BNC2: variants seen among roughly 807,000 people sequenced by gnomAD.
The protein encoded by BNC2 is basonuclin zinc finger protein 2.
BNC2 carries 20 observed loss-of-function variants against 76.3 expected under a neutral mutation model. The ratio of observed to expected loss-of-function variants is 0.26; its 90% confidence interval spans 0.18 to 0.38. The LOEUF (loss-of-function observed/expected upper bound fraction) is 0.38. BNC2 is among the 10% of genes least tolerant of loss of function. The pLI, the probability that BNC2 is intolerant of heterozygous loss-of-function variation, is 1.00. For synonymous variants in BNC2, 582 were observed against 514.8 expected (o/e 1.13, Z -1.77); for missense variants, 1,382 against 1,399.8 (o/e 0.99, Z 0.20).
At chr9:16,603,887 AT>A (rs1274639811) in intron 3 of BNC2, among the ~76,000 whole-genome samples, 1 of 48,164 alleles carries the variant, frequency 2.1e-5, no homozygotes, top group Non-Finnish European at 1.0e-4. Flanking sequence ...TAGGTATTTT[AT>A]AAAAAAACAT....
intron 6 of BNC2, among the ~76,000 whole-genome samples, chr9:16,433,954 A>G (rs1384325287): frequency 6.6e-6 from 1 of 152,220 alleles, no homozygotes; most frequent in Admixed American, 6.5e-5. Flanking sequence ...AATGAATATT[A>G]CTGACAACTT....
chr9:16,560,239 T>C (rs1398190772), intron 4 of BNC2, among the ~76,000 whole-genome samples: 1 of 152,178 alleles, frequency 6.6e-6, no homozygotes, highest in Non-Finnish European at 1.5e-5. Context: ...AATTAATGGG[T>C]ATGTGTTAGG....
chr9:16,811,901 C>A (rs984264106), intron 1 of BNC2, among the ~76,000 whole-genome samples: 1 of 152,190 alleles, frequency 6.6e-6, no homozygotes, highest in Non-Finnish European at 1.5e-5. Context: ...AAACAGAAAT[C>A]TACCTTGACC....
chr9:16,564,681 G>C (rs957556555), intron 4 of BNC2, among the ~76,000 whole-genome samples: 1 of 152,112 alleles, frequency 6.6e-6, no homozygotes, highest in Non-Finnish European at 1.5e-5. Flanking sequence ...TTTGAAATCA[G>C]ACTTCTTTGT....
At chr9:16,526,088 G>A (rs1296404500) in intron 5 of BNC2, among the ~76,000 whole-genome samples, 2 of 151,606 alleles carry the variant, frequency 1.3e-5, no homozygotes, top group African/African-American at 4.9e-5. Flanking sequence ...AAACTAAAAT[G>A]CTTCATCCTG....
chr9:16,813,210 C>T (rs995172719), intron 1 of BNC2, among the ~76,000 whole-genome samples: 1 of 151,896 alleles, frequency 6.6e-6, no homozygotes, highest in African/African-American at 2.4e-5. Context: ...AGAAGAAAAA[C>T]TCCTAAAGGT....
chr9:16,710,245 C>T (rs1037469377), intron 3 of BNC2, among the ~76,000 whole-genome samples: 13 of 152,156 alleles, frequency 8.5e-5, no homozygotes, highest in Non-Finnish European at 1.5e-4. Flanking sequence ...TTAAACAACA[C>T]CTTACAGAGA....
At chr9:16,675,961 A>G (rs937357113) in intron 3 of BNC2, among the ~76,000 whole-genome samples, 2 of 152,112 alleles carry the variant, frequency 1.3e-5, no homozygotes, top group African/African-American at 4.8e-5. Context: ...GCTACTCAGG[A>G]GGCTGAGGCA....
intron 3 of BNC2, among the ~76,000 whole-genome samples, chr9:16,704,201 T>C: frequency 6.6e-6 from 1 of 152,154 alleles, no homozygotes; most frequent in Non-Finnish European, 1.5e-5. Context: ...TTGAGTCAGT[T>C]CAAATGTTAT....
intron 2 of BNC2, among the ~76,000 whole-genome samples, chr9:16,729,057 A>T (rs1018709111): frequency 2.0e-5 from 3 of 152,204 alleles, no homozygotes; most frequent in Non-Finnish European, 4.4e-5. Flanking sequence ...TCTGTGGAAA[A>T]TTCTATAACG....
At chr9:16,529,992 T>C (rs909275758) in intron 5 of BNC2, among the ~76,000 whole-genome samples, 19 of 151,990 alleles carry the variant, frequency 1.3e-4, no homozygotes, top group Non-Finnish European at 4.4e-5. Context: ...GGATTACAGG[T>C]ACGGACCACC....
intron 1 of BNC2, among the ~76,000 whole-genome samples, chr9:16,836,782 A>C (rs746416562): frequency 9.2e-5 from 14 of 152,086 alleles, no homozygotes; most frequent in Non-Finnish European, 1.5e-4. Context: ...TTTTTGGTAG[A>C]AGAACCAACC....
At chr9:16,454,468 T>C (rs1445648587) in intron 5 of BNC2, among the ~76,000 whole-genome samples, 1 of 152,136 alleles carries the variant, frequency 6.6e-6, no homozygotes, top group African/African-American at 2.4e-5. Context: ...ACCCAGCTAA[T>C]TTTTTATTTT....
intron 3 of BNC2, among the ~76,000 whole-genome samples, chr9:16,661,058 C>T (rs1587285973): frequency 6.6e-6 from 1 of 152,094 alleles, no homozygotes; most frequent in Non-Finnish European, 1.5e-5. Context: ...CCATTATTCC[C>T]ATTTTAAATG....
intron 3 of BNC2, among the ~76,000 whole-genome samples, chr9:16,678,662 T>TC (rs1351613188): frequency 6.6e-6 from 1 of 151,686 alleles, no homozygotes; most frequent in Non-Finnish European, 1.5e-5. Flanking sequence ...TTTTTTTTTT[T>TC]CAAATTTCCA....
At chr9:16,679,727 T>C (rs1822766657) in intron 3 of BNC2, among the ~76,000 whole-genome samples, 2 of 152,040 alleles carry the variant, frequency 1.3e-5, no homozygotes, top group South Asian at 4.1e-4. Context: ...AGAGTAACCA[T>C]GGAGAGGAAA....
At chr9:16,462,090 A>C (rs1250029855) in intron 5 of BNC2, among the ~76,000 whole-genome samples, 3 of 152,164 alleles carry the variant, frequency 2.0e-5, no homozygotes, top group Non-Finnish European at 4.4e-5. Flanking sequence ...ATGAGTGTCC[A>C]TTGGCAAGTC....
intron 1 of BNC2, among the ~76,000 whole-genome samples, chr9:16,840,583 G>A (rs1015580637): frequency 6.6e-6 from 1 of 152,090 alleles, no homozygotes; most frequent in Non-Finnish European, 1.5e-5. Flanking sequence ...GCACATCTGT[G>A]ACAAACACTA....
At chr9:16,688,608 G>A (rs1377962937) in intron 3 of BNC2, among the ~76,000 whole-genome samples, 1 of 152,116 alleles carries the variant, frequency 6.6e-6, no homozygotes, top group Non-Finnish European at 1.5e-5. Flanking sequence ...AATGTTCACA[G>A]TGATTAAGAT....
Sources: gnomAD v4.1 joint callset for allele counts (sites outside exome capture counted in the v4.1 genomes callset) on GRCh38, gnomAD v4.1.1 for gene constraint, MANE v1.5 for transcripts, NCBI Gene and HGNC (gene_info 2026-07-23, HGNC 2026-07-21) for gene names.